The following ALG12 variants were observed in gnomAD, a reference collection of about 807,000 sequenced individuals.
ALG12 encodes the protein dol-P-Man:Man(7)GlcNAc(2)-PP-Dol alpha-1,6-mannosyltransferase.
Under a neutral mutation model 46.0 loss-of-function variants are expected in ALG12, and 36 were observed. The observed-to-expected ratio is 0.78, with a 90% CI of 0.60 to 1.03. ALG12 has a LOEUF of 1.03. Among genes scored for constraint, ALG12 ranks in the 50% least tolerant of loss-of-function variants. ALG12 has a pLI of 0.00. For synonymous variants in ALG12, 326 were observed against 291.6 expected, an observed-to-expected ratio of 1.12 and a Z score of -1.20; for missense variants, 599 against 633.5, an observed-to-expected ratio of 0.95 and a Z score of 0.58.
At chr22:49,884,017 C>G in the ALG12 span, 5 of 1,609,100 alleles carry the variant, frequency 3.1e-6, no homozygotes, top group South Asian at 4.4e-5. Flanking sequence ...GAAGAAGTCT[C>G]CAGCCTGGAA....
At chr22:49,897,663 CTTTTTTTTTTT>C, downstream of ALG12, among the ~76,000 whole-genome samples, 1 of 103,628 alleles carries the variant, frequency 9.6e-6, no homozygotes. Context: ...CCCATGTTTT[CTTTTTTTTTTT>C]TTTTTTTTTT....
chr22:49,887,908 A>C, the ALG12 span: 1 of 167,232 alleles, frequency 6.0e-6, no homozygotes, highest in Non-Finnish European at 1.5e-5. Flanking sequence ...AACTGTGCTC[A>C]TCACTTCGCC....
At chr22:49,866,736 C>A in the ALG12 span, among the ~76,000 whole-genome samples, 1,847 of 152,258 alleles carry the variant, frequency 0.012, 23 homozygotes, top group African/African-American at 0.043. Context: ...TGACAGAATT[C>A]TTTTCTGTTG....
At chr22:49,862,692 CCT>C in the ALG12 span, among the ~76,000 whole-genome samples, 2 of 98,748 alleles carry the variant, frequency 2.0e-5, no homozygotes, top group Admixed American at 1.2e-4. Context: ...TTAAGTTTTT[CCT>C]TTTTTTTTTT....
the ALG12 span, among the ~76,000 whole-genome samples, chr22:49,877,892 C>T: frequency 3.9e-5 from 6 of 152,092 alleles, no homozygotes; most frequent in Admixed American, 6.5e-5. Context: ...ATCCGTGTTG[C>T]GTGTATCCAT....
In ALG12 at chr22:49,909,339, C is replaced by T. The variant is rs1260961214; in HGVS notation, c.673G>A (p.Val225Ile). 2 of 1,614,112 alleles carry T rather than the reference C, an allele frequency of 1.2e-6. No individual in the cohort carries two copies. The highest frequency in any genetic ancestry group is 8.5e-7 in the Non-Finnish European group (1 of 1,180,052). Residue 225 changes from valine to isoleucine, a missense_variant, in exon 6 of 10, where the codon GTT becomes ATT. By Grantham distance (29) the Val-to-Ile change is conservative. Transcript: ENST00000330817. ...PAGILCLGLT[V>I]AVDSYFWRQL... ...CGCCAAAAATAAGAGTCCACAGCAACCGTCAGTCCTGACAAAATAAAATAG... is the reference window on the plus strand; with the variant it reads ...CGCCAAAAATAAGAGTCCACAGCAATCGTCAGTCCTGACAAAATAAAATAG...
At chr22:49,909,754 A>G (rs1330278586) in intron 5 of ALG12, 140 bp downstream of exon 5, 1 of 1,217,336 alleles carries the variant, frequency 8.2e-7, no homozygotes, top group African/African-American at 1.5e-5. Context: ...CAGGGGGCTT[A>G]GGATTGAAAT....
intron 6 of ALG12, among the ~76,000 whole-genome samples, chr22:49,908,725 G>A (rs1601822390): frequency 1.4e-5 from 2 of 146,202 alleles, no homozygotes; most frequent in South Asian, 2.3e-4. Flanking sequence ...GCCAAGGCAG[G>A]TGGATCACCT....
the ALG12 span, among the ~76,000 whole-genome samples, chr22:49,878,172 A>G: frequency 6.6e-6 from 1 of 152,134 alleles, no homozygotes; most frequent in Non-Finnish European, 1.5e-5. Context: ...AGACGTGGTG[A>G]CAGGCACCTG....
the ALG12 span, among the ~76,000 whole-genome samples, chr22:49,890,546 C>T: frequency 6.6e-6 from 1 of 152,058 alleles, no homozygotes; most frequent in Non-Finnish European, 1.5e-5. Context: ...GGAGCAAAAT[C>T]GGGACTGTAA....
rs943300382 is a variant in ALG12, at chr22:49,904,372, A to G, written c.1127T>C (p.Met376Thr). The G allele has an allele frequency of 6.2e-7, 1 of 1,614,198 alleles. No individual in the cohort carries two copies. The highest frequency in any genetic ancestry group is 8.5e-7 in the Non-Finnish European group (1 of 1,180,034). ...GGGCACCAGCTGGTGCAGCCTCTGC[A>G]TTGCGACGCCACCTGGGTAGTTGAA... ...SHFNYPGGVAMQRLHQLVPPQ... is the reference protein window; with the variant it reads ...SHFNYPGGVATQRLHQLVPPQ... Residue 376 changes from methionine (M) to threonine (T), a missense_variant, in exon 8 of 10, where the codon ATG becomes ACG. By Grantham distance (81) the Met-to-Thr change is moderately conservative. Coordinates refer to ENST00000330817, the MANE Select transcript of ALG12 (RefSeq NM_024105.4).
At chr22:49,873,731 C>T in the ALG12 span, among the ~76,000 whole-genome samples, 2 of 152,200 alleles carry the variant, frequency 1.3e-5, no homozygotes, top group African/African-American at 2.4e-5. Context: ...TCATCACCCC[C>T]ACCCTGCAGC....
chr22:49,868,282 A>G, the ALG12 span, among the ~76,000 whole-genome samples: 1 of 152,268 alleles, frequency 6.6e-6, no homozygotes, highest in African/African-American at 2.4e-5. Context: ...TGTTACAAGC[A>G]AACAAATGAG....
At chr22:49,885,499 A>C in the ALG12 span, 1 of 1,611,136 alleles carries the variant, frequency 6.2e-7, no homozygotes, top group Non-Finnish European at 8.5e-7. Context: ...CAACGTGCTG[A>C]AAACTGAGGT....
intron 1 of ALG12, among the ~76,000 whole-genome samples, chr22:49,917,586 G>A (rs1199571200): frequency 6.6e-6 from 1 of 152,116 alleles, no homozygotes; most frequent in Non-Finnish European, 1.5e-5. Flanking sequence ...CAGAATCACA[G>A]GAACCTGGAA....
chr22:49,908,843 T>C (rs2060558925), intron 6 of ALG12, among the ~76,000 whole-genome samples: 1 of 150,738 alleles, frequency 6.6e-6, no homozygotes, highest in African/African-American at 2.5e-5. Context: ...TCCCAGCTAC[T>C]CATGAGGCTG....
At chr22:49,909,825 T>C in intron 5 of ALG12, 69 bp downstream of exon 5, 1 of 1,599,496 alleles carries the variant, frequency 6.3e-7, no homozygotes, top group Non-Finnish European at 8.6e-7. Flanking sequence ...CCTCCCAAAT[T>C]TCTCTTGACC....
intron 3 of ALG12, among the ~76,000 whole-genome samples, chr22:49,911,022 C>T (rs1052330829): frequency 1.3e-5 from 2 of 152,206 alleles, no homozygotes; most frequent in Admixed American, 6.5e-5. Context: ...AACACAGGCT[C>T]CCAGGCAGGA....
chr22:49,913,609 C>T lies in ALG12; in HGVS notation c.157G>A (p.Glu53Lys). The change falls in exon 2 of 10, where the codon GAG becomes AAG. Residue 53 changes from glutamate to lysine, a missense_variant. Transcript: ENST00000330817. ...HDLLYHWQDL[E>K]QYDHLEFPGV... ...AGACAGCAGGGGCCCCTCACCTGCT[C>T]CAGGTCTTGCCAGTGGTAGAGCAGG... is the stretch of plus-strand genomic sequence containing the variant. 1 of 1,614,098 alleles carries T rather than the reference C, an allele frequency of 6.2e-7. No individual in the cohort carries two copies. Among genetic ancestry groups the T allele is most frequent in the Non-Finnish European group, 8.5e-7 (1 of 1,180,038 alleles).
Sources: gnomAD v4.1 joint callset for allele counts (sites outside exome capture counted in the v4.1 genomes callset) on GRCh38, gnomAD v4.1.1 for gene constraint, MANE v1.5 for transcripts, NCBI Gene and HGNC (gene_info 2026-07-23, HGNC 2026-07-21) for gene names.